Variants in TOP2B observed in about 807,000 individuals in gnomAD.
TOP2B encodes the protein DNA topoisomerase 2-beta.
TOP2B carries 51 observed loss-of-function variants against 193.5 expected under a neutral mutation model. The observed-to-expected ratio is 0.26, with a 90% CI of 0.21 to 0.33. The LOEUF (loss-of-function observed/expected upper bound fraction) is 0.33. TOP2B is among the 10% of genes least tolerant of loss of function. TOP2B has a pLI of 1.00. For missense variants in TOP2B, 1,378 were observed against 1,909.3 expected (o/e 0.72, Z 5.19); for synonymous variants, 634 against 635.7 (o/e 1.00, Z 0.04).
rs150195185 is a variant in TOP2B at position 25,659,624 on chromosome 3, G to C, written c.69+4605C>G. On this transcript the variant is annotated intron_variant, in intron 1 of 35. Coordinates refer to ENST00000264331, the MANE Select transcript of TOP2B (RefSeq NM_001330700.2). ...CTAGTACTTGACAAAGGTGAATTAT[G>C]AAACTAGATGATCTGATTTCACAGC... Among the ~76,000 whole-genome samples, 380 of 152,238 alleles carry C rather than the reference G, an allele frequency of 2.5e-3. 2 individuals are homozygous for C. Among genetic ancestry groups the C allele is most frequent in the African/African-American group, 8.9e-3 (370 of 41,538 alleles).
chr3:25,616,880 A>G, intron 25 of TOP2B, among the ~76,000 whole-genome samples: 1 of 152,010 alleles, frequency 6.6e-6, no homozygotes, highest in Non-Finnish European at 1.5e-5. Flanking sequence ...ACACTTCCAG[A>G]AATTAAAAAA....
At chr3:25,661,139 T>C (rs1326321394) in intron 1 of TOP2B, among the ~76,000 whole-genome samples, 3 of 152,016 alleles carry the variant, frequency 2.0e-5, no homozygotes, top group Non-Finnish European at 2.9e-5. Flanking sequence ...TAGCTGGGAT[T>C]ACAAGCATGC....
intron 21 of TOP2B, 27 bp from the exon 22 acceptor site, chr3:25,620,843 GA>G (rs762397095): frequency 1.7e-5 from 27 of 1,608,554 alleles, no homozygotes; most frequent in Non-Finnish European, 2.2e-5. Flanking sequence ...AAATAGCATT[GA>G]CTTCTCTCTT....
At chr3:25,598,779 T>A (rs988127092) in intron 35 of TOP2B, among the ~76,000 whole-genome samples, 3 of 152,118 alleles carry the variant, frequency 2.0e-5, no homozygotes, top group Non-Finnish European at 4.4e-5. Context: ...ATGCCCAGAT[T>A]AGTAAAAATT....
intron 15 of TOP2B, among the ~76,000 whole-genome samples, 183 bp downstream of exon 15, chr3:25,628,664 C>G (rs1331121127): frequency 6.6e-6 from 1 of 152,064 alleles, no homozygotes; most frequent in Non-Finnish European, 1.5e-5. Flanking sequence ...AAATGGTGAT[C>G]CCATTCAATG....
intron 15 of TOP2B, 75 bp downstream of exon 15, chr3:25,628,772 A>C: frequency 1.1e-6 from 1 of 914,124 alleles, no homozygotes; most frequent in Non-Finnish European, 1.6e-6. Flanking sequence ...CAAACTTTCA[A>C]GTCATCTTTT....
At chr3:25,600,697 T>C (rs1190561379) in intron 34 of TOP2B, among the ~76,000 whole-genome samples, 2 of 152,204 alleles carry the variant, frequency 1.3e-5, no homozygotes, top group African/African-American at 4.8e-5. Flanking sequence ...TGTGTGGCCC[T>C]GAATACAGTT....
intron 34 of TOP2B, among the ~76,000 whole-genome samples, chr3:25,600,719 G>A (rs1702069660): frequency 6.6e-6 from 1 of 152,164 alleles, no homozygotes; most frequent in Admixed American, 6.5e-5. Flanking sequence ...TTTCTTAGGT[G>A]AGAAAAAAAG....
At chr3:25,659,584 C>G (rs76620109) in intron 1 of TOP2B, among the ~76,000 whole-genome samples, 84 of 152,116 alleles carry the variant, frequency 5.5e-4, no homozygotes, top group African/African-American at 2.0e-3. Context: ...AAGTGTTTTC[C>G]CAAAGCTAAC....
chr3:25,655,001 G>A (rs1221171135), intron 1 of TOP2B, among the ~76,000 whole-genome samples: 4 of 152,172 alleles, frequency 2.6e-5, no homozygotes, highest in Non-Finnish European at 5.9e-5. Context: ...ATTTGGCAAT[G>A]ATTTCATGGA....
intron 32 of TOP2B, among the ~76,000 whole-genome samples, chr3:25,605,486 T>C (rs905453883): frequency 6.6e-6 from 1 of 152,014 alleles, no homozygotes; most frequent in Non-Finnish European, 1.5e-5. Context: ...CGTATACATA[T>C]AGAATATGTA....
chr3:25,657,921 C>CCTA (rs1703795206), intron 1 of TOP2B, among the ~76,000 whole-genome samples: 3 of 144,544 alleles, frequency 2.1e-5, no homozygotes, highest in Non-Finnish European at 3.0e-5. Context: ...ATTAGCCGGG[C>CCTA]GTAGTGGCGG....
intron 11 of TOP2B, 91 bp from the exon 12 acceptor site, chr3:25,630,560 G>A (rs893532241): frequency 9.7e-7 from 1 of 1,030,584 alleles, no homozygotes. Context: ...TTAGAATGCT[G>A]ACAGTGAAAG....
At chr3:25,600,680 TGTTC>T (rs1273637045) in intron 34 of TOP2B, among the ~76,000 whole-genome samples, 1 of 152,240 alleles carries the variant, frequency 6.6e-6, no homozygotes, top group African/African-American at 2.4e-5. Flanking sequence ...GAACTGGTGC[TGTTC>T]CTTGTGTGGC....
At chr3:25,628,400 C>T (rs374683520) in intron 15 of TOP2B, among the ~76,000 whole-genome samples, 49 of 151,628 alleles carry the variant, frequency 3.2e-4, no homozygotes, top group African/African-American at 1.0e-3. Flanking sequence ...CATTTGAGCC[C>T]GGAAAGTCAA....
intron 3 of TOP2B, 96 bp from the exon 4 acceptor site, chr3:25,642,481 T>C (rs1703291738): frequency 1.6e-6 from 1 of 606,738 alleles, no homozygotes; most frequent in Non-Finnish European, 2.8e-6. Context: ...TATAAACATC[T>C]ACATATGGTA....
intron 4 of TOP2B, 64 bp from the exon 5 acceptor site, chr3:25,638,374 A>G: frequency 7.2e-7 from 1 of 1,381,818 alleles, no homozygotes; most frequent in Non-Finnish European, 9.4e-7. Flanking sequence ...AGCTTAAAAT[A>G]GTAAAGATAA....
intron 18 of TOP2B, among the ~76,000 whole-genome samples, chr3:25,626,114 T>C (rs1047739715): frequency 6.6e-6 from 1 of 152,004 alleles, no homozygotes; most frequent in East Asian, 1.9e-4. Flanking sequence ...TAACGAGAAA[T>C]AGTTTCTAAA....
At position 25,664,334 on chromosome 3, in the gene TOP2B, G is replaced by T. The variant is rs1271062410; in HGVS notation, c.-37C>A. 11 of 1,437,246 alleles carry T rather than the reference G, an allele frequency of 7.7e-6. No individual in the cohort carries two copies. Among genetic ancestry groups the T allele is most frequent in the Non-Finnish European group, 1.0e-5 (11 of 1,103,980 alleles). The allele number at this position is 1,437,246 out of a possible 1,614,324, so 89.0% of individuals were successfully genotyped here. A position where few individuals can be genotyped will look rare whatever the true frequency, so the allele number is the denominator to read the frequency against. Reference sequence around the variant, plus strand: ...CCAGCTCACAGGCCCTGAGGCCGCAGCCGCCGCTCCCGCCTCCCTGCGGGC... The same window carrying T: ...CCAGCTCACAGGCCCTGAGGCCGCATCCGCCGCTCCCGCCTCCCTGCGGGC... On this transcript the variant is annotated 5_prime_UTR_variant, in exon 1 of 36. It adds an upstream start codon to the 5' untranslated region. Coordinates refer to ENST00000264331, the MANE Select transcript of TOP2B (RefSeq NM_001330700.2).
Sources: gnomAD v4.1 joint callset for allele counts (sites outside exome capture counted in the v4.1 genomes callset) on GRCh38, gnomAD v4.1.1 for gene constraint, MANE v1.5 for transcripts, NCBI Gene and HGNC (gene_info 2026-07-23, HGNC 2026-07-21) for gene names.